The following MYH15 variants were observed in gnomAD, a reference collection of about 807,000 sequenced individuals.
The protein encoded by MYH15 is myosin-15.
A neutral mutation model predicts 240.5 loss-of-function variants in MYH15; 227 were observed. The observed-to-expected ratio is 0.94, with a 90% CI of 0.85 to 1.05. The LOEUF (loss-of-function observed/expected upper bound fraction) is 1.05. Among genes scored for constraint, MYH15 ranks in the 50% least tolerant of loss-of-function variants. MYH15 has a pLI of 0.00. For synonymous variants in MYH15, 785 were observed against 796.7 expected (o/e 0.99, Z 0.25); for missense variants, 2,217 against 2,247.5 (o/e 0.99, Z 0.27).
chr3:108,416,894 A>T lies in MYH15; in HGVS notation c.3866T>A (p.Leu1289Gln). ...CTTTTCCCTGGAAAGTTGGTTTATC[A>T]GAGCCTCCTTCTCTTCAAGCCTCCG... ...FLRRLEEKEALINQLSREKSN... is the reference protein window; with the variant it reads ...FLRRLEEKEAQINQLSREKSN... Residue 1289 changes from leucine (L) to glutamine (Q), a missense_variant, in exon 29 of 41, where the codon CTG becomes CAG. Transcript: ENST00000693548. The T allele has an allele frequency of 6.2e-7, 1 of 1,614,050 alleles. No individual in the cohort carries two copies. Among genetic ancestry groups the T allele is most frequent in the South Asian group, 1.1e-5 (1 of 91,060 alleles).
Position 108,421,101 on chromosome 3 carries a change from C to T in MYH15, c.3816G>A (p.Leu1272=). 1 of 1,614,158 alleles carries T rather than the reference C, an allele frequency of 6.2e-7. No individual in the cohort carries two copies. Among genetic ancestry groups the T allele is most frequent in the Non-Finnish European group, 8.5e-7 (1 of 1,179,990 alleles). Residue 1272 remains leucine, a synonymous_variant, in exon 28 of 41, where the codon CTG becomes CTA. Transcript: ENST00000693548. The part of the protein sequence containing the change: ...ANDLAAQKTK[L]WSESGEFLRR... ...ATACTTACTTACCACTCTCACTCCA[C>T]AGCTTTGTCTTTTGTGCTGCCAGGT...
chr3:108,441,519 A>T (rs1460119302), intron 22 of MYH15, among the ~76,000 whole-genome samples: 3 of 152,176 alleles, frequency 2.0e-5, no homozygotes, highest in African/African-American at 7.2e-5. Flanking sequence ...TAAAGCACTT[A>T]ATAGAATCCT....
intron 30 of MYH15, among the ~76,000 whole-genome samples, chr3:108,413,878 T>C (rs1002925998): frequency 1.3e-5 from 2 of 152,166 alleles, no homozygotes; most frequent in Non-Finnish European, 2.9e-5. Flanking sequence ...GACTCAATTA[T>C]TATGGCGTTA....
At chr3:108,394,303 A>G (rs1334234993) in intron 35 of MYH15, 147 bp from the exon 36 acceptor site, 1 of 1,013,942 alleles carries the variant, frequency 9.9e-7, no homozygotes. Flanking sequence ...AGTGCTCCCA[A>G]TCCCGAAAGG....
intron 11 of MYH15, among the ~76,000 whole-genome samples, chr3:108,479,091 T>A (rs528593305): frequency 6.6e-6 from 1 of 152,300 alleles, no homozygotes; most frequent in African/African-American, 2.4e-5. Flanking sequence ...GCACTAAATG[T>A]TTACAGTTTG....
the MYH15 span, among the ~76,000 whole-genome samples, chr3:108,542,944 G>A: frequency 1.4e-4 from 21 of 146,772 alleles, no homozygotes; most frequent in Admixed American, 6.3e-4. Flanking sequence ...GCAGTGGCAC[G>A]ATCTCAGCTC....
At chr3:108,392,752 A>G (rs1353603080) in intron 36 of MYH15, among the ~76,000 whole-genome samples, 1 of 152,242 alleles carries the variant, frequency 6.6e-6, no homozygotes, top group Non-Finnish European at 1.5e-5. Flanking sequence ...AACACTGTCA[A>G]GAAAATCTTA....
chr3:108,547,540 A>AG, the MYH15 span, among the ~76,000 whole-genome samples: 3 of 152,058 alleles, frequency 2.0e-5, no homozygotes, highest in African/African-American at 7.2e-5. Flanking sequence ...TAGTTAAAAA[A>AG]AAATCAATAT....
At chr3:108,513,697 T>C (rs542925063), upstream of MYH15, among the ~76,000 whole-genome samples, 1 of 152,244 alleles carries the variant, frequency 6.6e-6, no homozygotes, top group East Asian at 1.9e-4. Context: ...ACTCCACTAA[T>C]AAGAGAATTG....
chr3:108,528,174 T>C (rs973936330), intron 1 of MYH15, among the ~76,000 whole-genome samples: 1 of 152,158 alleles, frequency 6.6e-6, no homozygotes, highest in Non-Finnish European at 1.5e-5. Flanking sequence ...ACCATACCAG[T>C]CTACCTCATA....
chr3:108,499,428 A>T, intron 5 of MYH15, 27 bp downstream of exon 5: 1 of 1,612,004 alleles, frequency 6.2e-7, no homozygotes. Flanking sequence ...CTTCAGGCCA[A>T]AAAAGAAAAA....
chr3:108,400,531 TAAG>T (rs1392982751), intron 33 of MYH15, among the ~76,000 whole-genome samples: 1 of 152,208 alleles, frequency 6.6e-6, no homozygotes, highest in Non-Finnish European at 1.5e-5. Context: ...TGAGGTCGAT[TAAG>T]AAGGCATACA....
chr3:108,402,540 T>G (rs1175529981), intron 33 of MYH15, among the ~76,000 whole-genome samples: 1 of 152,244 alleles, frequency 6.6e-6, no homozygotes, highest in Non-Finnish European at 1.5e-5. Context: ...ACAAAACATG[T>G]AGCTAGCAAA....
chr3:108,432,910 A>C (rs1186183371), intron 25 of MYH15, among the ~76,000 whole-genome samples: 8 of 152,160 alleles, frequency 5.3e-5, no homozygotes, highest in African/African-American at 9.7e-5. Context: ...AGCAGTGTGG[A>C]AGGGAAATGT....
chr3:108,481,953 A>G (rs1387904742), intron 11 of MYH15, among the ~76,000 whole-genome samples: 1 of 152,110 alleles, frequency 6.6e-6, no homozygotes, highest in Non-Finnish European at 1.5e-5. Context: ...GACACTGTGA[A>G]AGGACTGACA....
At chr3:108,395,633 TTC>T (rs1472580451) in intron 35 of MYH15, among the ~76,000 whole-genome samples, 9 of 120,938 alleles carry the variant, frequency 7.4e-5, no homozygotes, top group African/African-American at 2.4e-4. Flanking sequence ...TTTTTTTTCT[TTC>T]TTTTTTTTTT....
intron 1 of MYH15, among the ~76,000 whole-genome samples, chr3:108,506,121 C>T (rs6790680): frequency 6.6e-6 from 1 of 152,018 alleles, no homozygotes; most frequent in Non-Finnish European, 1.5e-5. Context: ...CCAACACTTT[C>T]CTCCACTCAC....
intron 30 of MYH15, 136 bp from the exon 31 acceptor site, chr3:108,411,068 A>C: frequency 1.5e-6 from 1 of 669,800 alleles, no homozygotes; most frequent in Non-Finnish European, 2.5e-6. Flanking sequence ...GGTATAAAGC[A>C]ACAGCAGCTC....
At chr3:108,485,292 C>T in intron 10 of MYH15, 63 bp from the exon 11 acceptor site, 2 of 1,585,422 alleles carry the variant, frequency 1.3e-6, no homozygotes, top group Non-Finnish European at 8.6e-7. Context: ...GAGCACCTCA[C>T]CCCCGCTGTG....
Sources: allele counts gnomAD v4.1 joint callset (sites outside exome capture counted in the v4.1 genomes callset), GRCh38; gene constraint gnomAD v4.1.1; transcripts MANE v1.5; gene names NCBI Gene and HGNC (gene_info 2026-07-23, HGNC 2026-07-21).